PVT1: variants seen among roughly 807,000 people sequenced by gnomAD.
The protein encoded by PVT1 is CXCR4/PVT1 fusion.
intron 5 of PVT1, among the ~76,000 whole-genome samples, chr8:128,094,245 GATTTTTACATAGAAAATGTTAC>G (rs1814398686): frequency 1.3e-5 from 2 of 152,150 alleles, no homozygotes; most frequent in African/African-American, 4.8e-5. Flanking sequence ...CTTTTTAAAT[GATTTTTACATAGAAAATGTTAC>G]ATTTTTAAAT....
chr8:127,885,474 T>C (rs543968069), intron 2 of PVT1, among the ~76,000 whole-genome samples: 38 of 152,276 alleles, frequency 2.5e-4, no homozygotes, highest in Admixed American at 2.4e-3. Flanking sequence ...AGGGCCTGTT[T>C]CCTGGTTTAG....
intron 2 of PVT1, among the ~76,000 whole-genome samples, chr8:127,854,240 G>A (rs1815138516): frequency 6.6e-6 from 1 of 152,246 alleles, no homozygotes; most frequent in African/African-American, 2.4e-5. Context: ...CCGGCAGTGG[G>A]CACAGGCGGA....
At chr8:127,820,894 A>G (rs1814720681) in intron 2 of PVT1, among the ~76,000 whole-genome samples, 2 of 151,924 alleles carry the variant, frequency 1.3e-5, no homozygotes, top group Non-Finnish European at 2.9e-5. Context: ...TTTTTAGTAG[A>G]GTTGGGGTTT....
intron 4 of PVT1, among the ~76,000 whole-genome samples, chr8:128,057,391 G>C (rs555286899): frequency 6.6e-6 from 1 of 152,080 alleles, no homozygotes; most frequent in African/African-American, 2.4e-5. Flanking sequence ...TACTATACTG[G>C]CAGGGAGATA....
chr8:127,847,148 G>C (rs761968973), intron 2 of PVT1, among the ~76,000 whole-genome samples: 2 of 151,476 alleles, frequency 1.3e-5, no homozygotes, highest in African/African-American at 4.9e-5. Flanking sequence ...GATTATAGGC[G>C]CCCACCACCA....
intron 3 of PVT1, among the ~76,000 whole-genome samples, chr8:127,954,113 G>A (rs1335037918): frequency 6.6e-6 from 1 of 152,082 alleles, no homozygotes; most frequent in Non-Finnish European, 1.5e-5. Context: ...TTGCCTTTGA[G>A]GGTGAAGTTG....
At chr8:127,924,183 A>T (rs1432476003) in intron 3 of PVT1, among the ~76,000 whole-genome samples, 1 of 152,182 alleles carries the variant, frequency 6.6e-6, no homozygotes, top group East Asian at 1.9e-4. Flanking sequence ...TTGCGTTTTC[A>T]TACAGTGGCT....
At chr8:127,812,937 A>C (rs1033235264) in intron 2 of PVT1, among the ~76,000 whole-genome samples, 1 of 152,128 alleles carries the variant, frequency 6.6e-6, no homozygotes, top group Admixed American at 6.6e-5. Context: ...GCAAGAGCCC[A>C]GTCCATGCAT....
intron 2 of PVT1, among the ~76,000 whole-genome samples, chr8:127,831,060 GTGTGTATA>G (rs1461216122): frequency 9.9e-6 from 1 of 100,666 alleles, no homozygotes; most frequent in Non-Finnish European, 2.3e-5. Context: ...GTGTGTGTGT[GTGTGTATA>G]TATATATAGA....
At chr8:127,945,994 AAG>A (rs1477877548) in intron 3 of PVT1, among the ~76,000 whole-genome samples, 2 of 152,180 alleles carry the variant, frequency 1.3e-5, no homozygotes, top group Non-Finnish European at 2.9e-5. Context: ...GGAAAAAAGA[AAG>A]AGTTAGTGTA....
chr8:128,014,143 T>C (rs1817345098), intron 4 of PVT1, among the ~76,000 whole-genome samples: 1 of 152,220 alleles, frequency 6.6e-6, no homozygotes, highest in Non-Finnish European at 1.5e-5. Context: ...TTCGTCAAGG[T>C]GAGGGAATGT....
At chr8:127,874,568 C>T (rs1430688458) in intron 2 of PVT1, among the ~76,000 whole-genome samples, 1 of 152,048 alleles carries the variant, frequency 6.6e-6, no homozygotes, top group Non-Finnish European at 1.5e-5. Context: ...GAGACTGGTA[C>T]CTTCCTAGGA....
At chr8:128,077,783 C>G (rs1203023138) in intron 5 of PVT1, among the ~76,000 whole-genome samples, 1 of 152,180 alleles carries the variant, frequency 6.6e-6, no homozygotes, top group African/African-American at 2.4e-5. Context: ...GTCACATTGA[C>G]ACTCCCTACA....
chr8:127,830,059 A>G (rs1368771452), intron 2 of PVT1, among the ~76,000 whole-genome samples: 12 of 152,190 alleles, frequency 7.9e-5, no homozygotes, highest in Admixed American at 6.5e-4. Flanking sequence ...GCCCACCCTG[A>G]TCCAGCAGAA....
At chr8:127,847,819 C>A (rs936831405) in intron 2 of PVT1, among the ~76,000 whole-genome samples, 1 of 152,002 alleles carries the variant, frequency 6.6e-6, no homozygotes, top group African/African-American at 2.4e-5. Context: ...CACAGGAAAC[C>A]AACACAAGTG....
chr8:128,019,211 T>C (rs1272032430), intron 4 of PVT1, among the ~76,000 whole-genome samples: 1 of 152,234 alleles, frequency 6.6e-6, no homozygotes, highest in Non-Finnish European at 1.5e-5. Flanking sequence ...AATTACAGCC[T>C]GGTGGTTTTG....
At chr8:127,959,701 T>C (rs1351750289) in intron 3 of PVT1, among the ~76,000 whole-genome samples, 1 of 151,938 alleles carries the variant, frequency 6.6e-6, no homozygotes, top group Non-Finnish European at 1.5e-5. Flanking sequence ...GGCCAGAGGC[T>C]GATTTAGGCT....
chr8:127,890,314 G>A (rs912753023), intron 2 of PVT1, among the ~76,000 whole-genome samples: 1 of 152,112 alleles, frequency 6.6e-6, no homozygotes, highest in African/African-American at 2.4e-5. Context: ...TATAATGGAT[G>A]CCCCCCAGCC....
chr8:128,080,504 C>A (rs1297631376), intron 5 of PVT1, among the ~76,000 whole-genome samples: 1 of 152,152 alleles, frequency 6.6e-6, no homozygotes, highest in Admixed American at 6.5e-5. Context: ...CATGTGTATA[C>A]CTTCTTCGAT....
Sources: gnomAD v4.1 joint callset for allele counts (sites outside exome capture counted in the v4.1 genomes callset) on GRCh38, gnomAD v4.1.1 for gene constraint, MANE v1.5 for transcripts, NCBI Gene and HGNC (gene_info 2026-07-23, HGNC 2026-07-21) for gene names.